The following COP1 variants were observed in gnomAD, a reference collection of about 807,000 sequenced individuals.
COP1 encodes the protein E3 ubiquitin-protein ligase COP1.
In COP1, 24 loss-of-function variants were observed where a neutral mutation model predicts 101.3. The observed-to-expected ratio is 0.24, with a 90% CI of 0.17 to 0.33. COP1 has a LOEUF of 0.33. Ranked by LOEUF, COP1 falls within the 10% of genes least tolerant of loss-of-function variation. The pLI, the probability that COP1 is intolerant of heterozygous loss-of-function variation, is 1.00. For missense variants in COP1, 663 were observed against 906.2 expected, an observed-to-expected ratio of 0.73 and a Z score of 3.45; for synonymous variants, 347 against 341.9, an observed-to-expected ratio of 1.01 and a Z score of -0.17.
At chr1:175,987,156 G>A (rs1657321440) in intron 17 of COP1, 53 bp from the exon 18 acceptor site, 2 of 975,464 alleles carry the variant, frequency 2.1e-6, no homozygotes, top group Non-Finnish European at 3.0e-6. Context: ...TCGGAATTAG[G>A]ACATCACAGT....
intron 18 of COP1, among the ~76,000 whole-genome samples, chr1:175,976,268 TTC>T (rs1272751617): frequency 1.6e-5 from 2 of 121,294 alleles, no homozygotes; most frequent in Non-Finnish European, 3.5e-5. Context: ...CAATTAGTCA[TTC>T]TTTTTTTTTT....
At chr1:176,125,568 C>T (rs991588373) in intron 8 of COP1, among the ~76,000 whole-genome samples, 4 of 152,066 alleles carry the variant, frequency 2.6e-5, no homozygotes, top group South Asian at 2.1e-4. Flanking sequence ...GTCCTCTATT[C>T]GGTTCCATTG....
intron 16 of COP1, 73 bp downstream of exon 16, chr1:175,989,289 A>G: frequency 1.3e-6 from 1 of 760,536 alleles, no homozygotes; most frequent in Non-Finnish European, 2.4e-6. Context: ...ATACACCCTC[A>G]GTGACATTAC....
chr1:176,002,159 T>C (rs190161278), intron 15 of COP1, among the ~76,000 whole-genome samples: 3 of 152,180 alleles, frequency 2.0e-5, no homozygotes, highest in Admixed American at 2.0e-4. Flanking sequence ...TGGCCATCAT[T>C]TCTACAAATA....
chr1:176,151,143 C>T (rs1350558183), intron 5 of COP1, among the ~76,000 whole-genome samples: 6 of 151,734 alleles, frequency 4.0e-5, no homozygotes, highest in Admixed American at 6.6e-5. Context: ...CTCTTACAAT[C>T]GTCAAAACTT....
intron 9 of COP1, among the ~76,000 whole-genome samples, chr1:176,090,373 G>A (rs774148044): frequency 2.6e-5 from 4 of 152,116 alleles, no homozygotes; most frequent in African/African-American, 9.7e-5. Context: ...ACTCATTTTG[G>A]TTTTTTCGGC....
intron 1 of COP1, among the ~76,000 whole-genome samples, chr1:176,185,284 G>A (rs954843745): frequency 1.3e-5 from 2 of 152,172 alleles, no homozygotes; most frequent in African/African-American, 4.8e-5. Context: ...ACTAGGCACA[G>A]TTTATAGATG....
chr1:176,048,944 G>A (rs186417068), intron 11 of COP1, among the ~76,000 whole-genome samples: 1,755 of 150,698 alleles, frequency 0.012, 40 homozygotes, highest in African/African-American at 0.038. Context: ...AGGCCGAGGC[G>A]GGTGGATCAT....
At chr1:176,136,956 C>T (rs1041617526) in intron 6 of COP1, among the ~76,000 whole-genome samples, 3 of 151,914 alleles carry the variant, frequency 2.0e-5, no homozygotes, top group African/African-American at 7.3e-5. Context: ...CTATGTTGCC[C>T]AGGCTGGTCT....
chr1:176,050,180 G>GTT (rs745927140), intron 11 of COP1, among the ~76,000 whole-genome samples: 10 of 152,154 alleles, frequency 6.6e-5, no homozygotes, highest in Non-Finnish European at 1.3e-4. Flanking sequence ...CATTTCAACT[G>GTT]TTAAAAGAGT....
chr1:176,067,573 G>C (rs1157513727), intron 11 of COP1, among the ~76,000 whole-genome samples: 1 of 152,022 alleles, frequency 6.6e-6, no homozygotes, highest in African/African-American at 2.4e-5. Flanking sequence ...CCGACTCCAG[G>C]GGAAACCCAC....
chr1:175,989,781 C>T (rs957148632), intron 15 of COP1, among the ~76,000 whole-genome samples: 2 of 152,034 alleles, frequency 1.3e-5, no homozygotes, highest in Admixed American at 1.3e-4. Flanking sequence ...AATCTTATTT[C>T]CCATATTTGT....
chr1:176,071,078 T>C (rs933224994), intron 11 of COP1, among the ~76,000 whole-genome samples: 2 of 152,240 alleles, frequency 1.3e-5, no homozygotes, highest in Non-Finnish European at 2.9e-5. Context: ...AATCTCATAT[T>C]GAACTTGTAA....
Position 175,976,664 on chromosome 1 carries a change from G to A in COP1, c.2133+10279C>T, listed in dbSNP as rs796238829. On this transcript the variant is annotated intron_variant, in intron 18 of 19. Coordinates refer to ENST00000367669, the MANE Select transcript of COP1 (RefSeq NM_022457.7). Reference sequence around the variant, plus strand: ...TAGTACAAACATTAAGGATGATCATGGGAATACAGATTTGGCTGGTTAGCA... The same window carrying A: ...TAGTACAAACATTAAGGATGATCATAGGAATACAGATTTGGCTGGTTAGCA... 8.5e-5 allele frequency among the ~76,000 whole-genome samples: 13 copies of A among 152,218 alleles called. 1 individual carries two copies. The highest frequency in any genetic ancestry group is 2.9e-4 in the African/African-American group (12 of 41,524).
chr1:176,049,812 AT>A lies in COP1; in HGVS notation c.1278-3489del, dbSNP rs564825977. On this transcript the variant is annotated intron_variant, in intron 11 of 19. Coordinates refer to ENST00000367669, the MANE Select transcript of COP1 (RefSeq NM_022457.7). ...TAATACAAAACAGATGACCTCTTATATTAACAGTATGATATTTCAACTACTT... is the reference window on the plus strand; with the variant it reads ...TAATACAAAACAGATGACCTCTTATATAACAGTATGATATTTCAACTACTT... Among the ~76,000 whole-genome samples, 397 of 152,312 alleles carry A rather than the reference AT, an allele frequency of 2.6e-3. 3 individuals carry two copies. The highest frequency in any genetic ancestry group is 9.1e-3 in the African/African-American group (379 of 41,554).
At chr1:176,037,285 T>C (rs187798404) in intron 14 of COP1, among the ~76,000 whole-genome samples, 268 of 151,892 alleles carry the variant, frequency 1.8e-3, no homozygotes, top group Non-Finnish European at 3.2e-3. Flanking sequence ...CGGGTGCCCG[T>C]AGTCCCAGCT....
At chr1:176,009,691 GTTA>G (rs1664266366) in intron 15 of COP1, among the ~76,000 whole-genome samples, 1 of 151,994 alleles carries the variant, frequency 6.6e-6, no homozygotes, top group African/African-American at 2.4e-5. Context: ...TCCGATTATT[GTTA>G]TTATTATGCC....
At chr1:176,188,076 C>G (rs1179867770) in intron 1 of COP1, among the ~76,000 whole-genome samples, 1 of 152,010 alleles carries the variant, frequency 6.6e-6, no homozygotes, top group African/African-American at 2.4e-5. Flanking sequence ...CTAGCCCTCA[C>G]CAGACATAAA....
At chr1:176,042,654 G>A (rs184220257) in intron 14 of COP1, among the ~76,000 whole-genome samples, 314 of 141,762 alleles carry the variant, frequency 2.2e-3, no homozygotes, top group African/African-American at 7.8e-3. Context: ...TTGCTTGAAC[G>A]CAGGAGGTGG....
Sources: allele counts gnomAD v4.1 joint callset (sites outside exome capture counted in the v4.1 genomes callset), GRCh38; gene constraint gnomAD v4.1.1; transcripts MANE v1.5; gene names NCBI Gene and HGNC (gene_info 2026-07-23, HGNC 2026-07-21).